The following CLCN5 variants were observed in gnomAD, a reference collection of about 807,000 sequenced individuals.
CLCN5 encodes H(+)/Cl(-) exchange transporter 5.
CLCN5 carries 17 observed loss-of-function variants against 54.0 expected under a neutral mutation model. The ratio of observed to expected loss-of-function variants is 0.31; its 90% confidence interval spans 0.22 to 0.47. The LOEUF (loss-of-function observed/expected upper bound fraction) is 0.47. Ranked by LOEUF, CLCN5 falls within the 20% of genes least tolerant of loss-of-function variation. The probability of loss-of-function intolerance (pLI) is 1.00; values close to 1 mark genes in which losing one functional copy is unlikely to be tolerated. For synonymous variants in CLCN5, 222 were observed against 233.0 expected (o/e 0.95, Z 0.43); for missense variants, 448 against 646.7 (o/e 0.69, Z 3.33).
At chrX:49,947,391 T>C (rs1926814757) in intron 3 of CLCN5, among the ~76,000 whole-genome samples, 1 of 110,389 alleles carries the variant, frequency 9.1e-6, no homozygotes, top group East Asian at 2.8e-4. Flanking sequence ...CATTTCCCCA[T>C]GGCCTGGGGT....
chrX:49,984,644 G>C lies in CLCN5; in HGVS notation c.17-57672G>C, dbSNP rs1403093772. Among the ~76,000 whole-genome samples the C allele has an allele frequency of 2.8e-5, 3 of 107,701 alleles. No individual in the cohort carries two copies. In the East Asian group the frequency reaches 8.6e-4, roughly 31 times the overall value. 93.5% of individuals were successfully genotyped at this position (107,701 alleles called of 115,157 possible). On this transcript the variant is annotated intron_variant, in intron 3 of 14. Coordinates refer to ENST00000376091, the MANE Select transcript of CLCN5 (RefSeq NM_001127898.4). ...TTTTATTTCTACAGGGTCTCACTCT[G>C]TTGCCCAGAGTGGAGTGTGGTGGGC... is the stretch of plus-strand genomic sequence containing the variant.
At chrX:49,989,030 T>C (rs1018399727) in intron 3 of CLCN5, among the ~76,000 whole-genome samples, 2 of 110,472 alleles carry the variant, frequency 1.8e-5, no homozygotes, top group Non-Finnish European at 3.8e-5. Flanking sequence ...AATAGACCCC[T>C]TCCTTGAACT....
At chrX:50,084,138 A>G (rs1557193570) in intron 9 of CLCN5, among the ~76,000 whole-genome samples, 1 of 112,013 alleles carries the variant, frequency 8.9e-6, no homozygotes, top group Non-Finnish European at 1.9e-5. Context: ...CTAGCCTACT[A>G]CACACCTAGG....
chrX:50,096,124 C>G lies in CLCN5; in HGVS notation c.*3905C>G, dbSNP rs370025077. On this transcript the variant is annotated 3_prime_UTR_variant, in exon 15 of 15. Transcript: ENST00000376091. The stretch of plus-strand genomic sequence containing the variant: ...CACTGGATCAGAGCCAAATGCAAGC[C>G]ACCCATCAGTTCAGAGGAAGCAGGA... 1 of 111,268 alleles carries G rather than the reference C, an allele frequency of 9.0e-6. No individual in the cohort carries two copies. The highest frequency in any genetic ancestry group is 1.9e-5 in the Non-Finnish European group (1 of 53,102). 9.2% of individuals were successfully genotyped at this position (111,268 alleles called of 1,213,427 possible). A position where few individuals can be genotyped will look rare whatever the true frequency, so the allele number is the denominator to read the frequency against.
intron 3 of CLCN5, among the ~76,000 whole-genome samples, chrX:49,964,603 A>G (rs1192462880): frequency 9.0e-6 from 1 of 111,334 alleles, no homozygotes; most frequent in African/African-American, 3.3e-5. Context: ...GTGGCCCATA[A>G]AGTTAATTAA....
intron 3 of CLCN5, among the ~76,000 whole-genome samples, chrX:49,926,875 A>G (rs1557168087): frequency 9.1e-6 from 1 of 109,609 alleles, no homozygotes; most frequent in Admixed American, 9.6e-5. Flanking sequence ...GAGAGATGGT[A>G]AGGGTCTGAG....
chrX:49,933,238 T>C (rs1314755469), intron 3 of CLCN5, among the ~76,000 whole-genome samples: 1 of 111,703 alleles, frequency 9.0e-6, no homozygotes, highest in Non-Finnish European at 1.9e-5. Flanking sequence ...ATTAAAATAA[T>C]AAAGAAATAA....
At position 50,031,190 on chromosome X, in the gene CLCN5, A is replaced by T. The variant is rs566438527; in HGVS notation, c.17-11126A>T. 6.2e-5 allele frequency among the ~76,000 whole-genome samples: 7 copies of T among 112,500 alleles called. No individual in the cohort carries two copies. In the East Asian group the frequency reaches 1.7e-3, roughly 27 times the overall value. On this transcript the variant is annotated intron_variant, in intron 3 of 14. Transcript: ENST00000376091. ...GAATTTTTAAAGCCATTAAAAAACA[A>T]ATTATCTACCAATGTATTTTGCCTA...
At chrX:50,084,416 C>T (rs1399034722) in intron 9 of CLCN5, among the ~76,000 whole-genome samples, 2 of 109,316 alleles carry the variant, frequency 1.8e-5, no homozygotes, top group Non-Finnish European at 3.8e-5. Flanking sequence ...GGGTCTCAGT[C>T]TTTTGGCCAG....
At chrX:49,999,409 CTTTTT>C (rs782377247) in intron 3 of CLCN5, among the ~76,000 whole-genome samples, 1 of 91,296 alleles carries the variant, frequency 1.1e-5, no homozygotes, top group Admixed American at 1.2e-4. Context: ...GTGGACTTTG[CTTTTT>C]TTTTTTTTTT....
chrX:49,942,307 T>C (rs946213422), intron 3 of CLCN5, among the ~76,000 whole-genome samples: 2 of 107,188 alleles, frequency 1.9e-5, no homozygotes, highest in African/African-American at 6.8e-5. Flanking sequence ...CCCACATCAA[T>C]TGATATCCAC....
intron 3 of CLCN5, among the ~76,000 whole-genome samples, chrX:50,034,716 C>G (rs1569539152): frequency 9.0e-6 from 1 of 110,952 alleles, no homozygotes; most frequent in Admixed American, 9.6e-5. Context: ...AAACAGGATG[C>G]CAGTAAGCCA....
At chrX:50,082,985 T>C (rs1933758153) in intron 9 of CLCN5, among the ~76,000 whole-genome samples, 1 of 111,059 alleles carries the variant, frequency 9.0e-6, no homozygotes, top group African/African-American at 3.3e-5. Context: ...GTATGCTGTT[T>C]TGAGGAGGAA....
At chrX:50,065,495 G>T (rs1456745898) in intron 4 of CLCN5, among the ~76,000 whole-genome samples, 58 of 94,133 alleles carry the variant, frequency 6.2e-4, no homozygotes, top group Admixed American at 3.0e-3. Context: ...TGGCAATCAT[G>T]AAAAAGTCAG....
chrX:50,089,853 C>G (rs1267048340), intron 12 of CLCN5, among the ~76,000 whole-genome samples: 3 of 111,710 alleles, frequency 2.7e-5, no homozygotes, highest in Non-Finnish European at 5.6e-5. Context: ...CCAGTGCACT[C>G]TAGCCTGGGT....
At chrX:50,088,556 C>G (rs1198577909) in intron 11 of CLCN5, 142 bp from the exon 12 acceptor site, 12 of 575,530 alleles carry the variant, frequency 2.1e-5, no homozygotes, top group Non-Finnish European at 3.0e-5. Context: ...TTACACACAC[C>G]TTTACAGCCA....
intron 3 of CLCN5, among the ~76,000 whole-genome samples, chrX:49,983,505 T>C (rs1557177947): frequency 1.8e-5 from 2 of 109,965 alleles, no homozygotes. Context: ...CATATTGTCA[T>C]ACTACAGAGG....
At chrX:50,006,248 GA>G (rs1447505946) in intron 3 of CLCN5, among the ~76,000 whole-genome samples, 2 of 112,293 alleles carry the variant, frequency 1.8e-5, no homozygotes, top group Non-Finnish European at 3.8e-5. Context: ...GTGAGAGAAA[GA>G]GGAGTAGGAG....
intron 3 of CLCN5, among the ~76,000 whole-genome samples, chrX:49,959,540 ACT>A (rs782105149): frequency 8.1e-5 from 9 of 111,736 alleles, no homozygotes; most frequent in Non-Finnish European, 1.7e-4. Flanking sequence ...CCTTGATGAC[ACT>A]GTTTTCTCCA....
Sources: gnomAD v4.1 joint callset for allele counts (sites outside exome capture counted in the v4.1 genomes callset) on GRCh38, gnomAD v4.1.1 for gene constraint, MANE v1.5 for transcripts, NCBI Gene and HGNC (gene_info 2026-07-23, HGNC 2026-07-21) for gene names.